Variants in ACOT7 observed in about 807,000 individuals in gnomAD.
ACOT7 encodes cytosolic acyl coenzyme A thioester hydrolase.
A neutral mutation model predicts 40.2 loss-of-function variants in ACOT7; 12 were observed. The observed-to-expected ratio is 0.30, with a 90% CI of 0.19 to 0.48. ACOT7 has a LOEUF of 0.48. ACOT7 is among the 20% of genes least tolerant of loss of function. The probability of loss-of-function intolerance (pLI) is 0.99; values close to 1 mark genes in which losing one functional copy is unlikely to be tolerated. For missense variants in ACOT7, 395 were observed against 530.8 expected (o/e 0.74, Z 2.51); for synonymous variants, 228 against 219.5 (o/e 1.04, Z -0.34).
chr1:6,342,450 A>G lies in ACOT7; in HGVS notation c.262-2861T>C, dbSNP rs545612447. On this transcript the variant is annotated intron_variant, in intron 2 of 8. Transcript: ENST00000361521. The stretch of plus-strand genomic sequence containing the variant: ...GTGACTTCCTTTTCATAGCACTCCA[A>G]TGTAAAATTATTATCATTTATAGAG... Among the ~76,000 whole-genome samples the G allele has an allele frequency of 2.6e-5, 4 of 152,270 alleles. No individual in the cohort carries two copies. The East Asian group carries it at 7.7e-4, about 29-fold the overall frequency.
rs572476590 is a variant in ACOT7, at chr1:6,303,170, G to A, written c.713-8190C>T. ...AAAAGCCTCATCAATTTCCCCCACC[G>A]CAGGCACAACGGGTGCTGCCAACGT... On this transcript the variant is annotated intron_variant, in intron 6 of 8. Coordinates refer to ENST00000361521, the MANE Select transcript of ACOT7 (RefSeq NM_007274.4). Among the ~76,000 whole-genome samples the A allele has an allele frequency of 5.3e-5, 8 of 152,112 alleles. No homozygotes were observed. In the East Asian group the frequency reaches 1.5e-3, roughly 29 times the overall value.
intron 8 of ACOT7, among the ~76,000 whole-genome samples, chr1:6,276,524 C>T (rs3789507): frequency 1.3e-5 from 2 of 152,012 alleles, no homozygotes; most frequent in Non-Finnish European, 2.9e-5. Flanking sequence ...AGGCTGCATC[C>T]GTGTCAGCCA....
intron 3 of ACOT7, among the ~76,000 whole-genome samples, chr1:6,335,264 T>A (rs1641067382): frequency 7.0e-6 from 1 of 142,504 alleles, no homozygotes; most frequent in Non-Finnish European, 1.5e-5. Flanking sequence ...GAGGCAGAGG[T>A]TGCGGTGAGC....
At chr1:6,347,703 A>G (rs1378089733) in intron 2 of ACOT7, among the ~76,000 whole-genome samples, 1 of 151,784 alleles carries the variant, frequency 6.6e-6, no homozygotes, top group Non-Finnish European at 1.5e-5. Context: ...GGAGGCAGAC[A>G]TTGCAGTGAG....
intron 1 of ACOT7, among the ~76,000 whole-genome samples, chr1:6,366,647 C>A (rs559766300): frequency 6.6e-6 from 1 of 150,796 alleles, no homozygotes; most frequent in South Asian, 2.1e-4. Context: ...ATTTTACCCA[C>A]AGTAGAACTT....
At chr1:6,344,041 C>T (rs1641350237) in intron 2 of ACOT7, among the ~76,000 whole-genome samples, 1 of 152,200 alleles carries the variant, frequency 6.6e-6, no homozygotes, top group African/African-American at 2.4e-5. Context: ...GGCATCTGAG[C>T]TGAGGCCTAA....
rs1310166913 is a variant in ACOT7, at chr1:6,352,457, C to A, written c.144-2591G>T. Among the ~76,000 whole-genome samples, 1 of 152,264 alleles carries A rather than the reference C, an allele frequency of 6.6e-6. No individual in the cohort carries two copies. The highest frequency in any genetic ancestry group is 1.5e-5 in the Non-Finnish European group (1 of 68,048). ...AGCTCTGTCACTCTCTCAGGCCCCG[C>A]CCCATGGCCTGGCCAAGGCCAACCG... On this transcript the variant is annotated intron_variant, in intron 1 of 8. Coordinates refer to ENST00000361521, the MANE Select transcript of ACOT7 (RefSeq NM_007274.4). The surrounding 1 kb of genome is among the most constrained non-coding windows in gnomAD (Gnocchi z 4.5).
chr1:6,338,692 G>T lies in ACOT7; in HGVS notation c.418+741C>A, dbSNP rs1047605071. On this transcript the variant is annotated intron_variant, in intron 3 of 8. Transcript: ENST00000361521. The surrounding 1 kb of genome is among the most constrained non-coding windows in gnomAD (Gnocchi z 4.4). Reference sequence around the variant, plus strand: ...ACTCCACGGGGCAGCCACTGCTGAGGAACAGGCATGGGGAAGAGGAGGAAA... The same window carrying T: ...ACTCCACGGGGCAGCCACTGCTGAGTAACAGGCATGGGGAAGAGGAGGAAA... Among the ~76,000 whole-genome samples, 17 of 152,176 alleles carry T rather than the reference G, an allele frequency of 1.1e-4. 1 individual carries two copies. Among genetic ancestry groups the T allele is most frequent in the African/African-American group, 3.6e-4 (15 of 41,442 alleles).
At chr1:6,298,735 CT>C (rs1043124389) in intron 6 of ACOT7, among the ~76,000 whole-genome samples, 12 of 152,202 alleles carry the variant, frequency 7.9e-5, no homozygotes, top group African/African-American at 2.2e-4. Flanking sequence ...CCACCAGGCT[CT>C]CCTGGTCTCT....
chr1:6,339,896 C>T (rs1049740250), intron 2 of ACOT7, among the ~76,000 whole-genome samples: 1 of 138,498 alleles, frequency 7.2e-6, no homozygotes, highest in Non-Finnish European at 1.5e-5. Context: ...CCCGCTGGGA[C>T]TACAGCGGGC....
At position 6,306,106 on chromosome 1, in the gene ACOT7, G is replaced by C; in HGVS notation, c.713-11126C>G. ...CGGCAGGCTGAGGCAGGAGAATCAG[G>C]CAGGGAGGTTGCAGTGAGCCAAGAT... On this transcript the variant is annotated intron_variant, in intron 6 of 8. Transcript: ENST00000361521. This position sits in a 1 kb window ranked among gnomAD's most constrained non-coding sequence, Gnocchi z 4.3. 7.8e-6 allele frequency: 3 copies of C among 384,288 alleles called. No individual in the cohort carries two copies. The highest frequency in any genetic ancestry group is 1.1e-5 in the Non-Finnish European group (3 of 282,152). 23.8% of individuals were successfully genotyped at this position (384,288 alleles called of 1,614,324 possible). A position where few individuals can be genotyped will look rare whatever the true frequency, so the allele number is the denominator to read the frequency against.
At chr1:6,365,591 A>G (rs1450436442) in intron 1 of ACOT7, among the ~76,000 whole-genome samples, 1 of 151,904 alleles carries the variant, frequency 6.6e-6, no homozygotes, top group Admixed American at 6.6e-5. Context: ...AACACGGTGA[A>G]ACCCCATCTC....
rs1639246265 is a variant in ACOT7 at position 6,278,021 on chromosome 1, G to A, written c.1014+3081C>T. On this transcript the variant is annotated intron_variant, in intron 8 of 8. Transcript: ENST00000361521. The surrounding 1 kb of genome is among the most constrained non-coding windows in gnomAD (Gnocchi z 4.1). ...TAAGTTTAGAGCTCTGGCTGACCCG[G>A]GCAGCCAGGCGCCTGCTCCTGGATA... 6.6e-6 allele frequency among the ~76,000 whole-genome samples: 1 copy of A among 152,028 alleles called. No homozygotes were observed. The highest frequency in any genetic ancestry group is 2.1e-4 in the South Asian group (1 of 4,814).
intron 1 of ACOT7, among the ~76,000 whole-genome samples, chr1:6,350,384 A>G (rs890572242): frequency 6.6e-6 from 1 of 152,226 alleles, no homozygotes; most frequent in African/African-American, 2.4e-5. Context: ...GCGCCTGCCC[A>G]CTGCGCGCTA....
chr1:6,391,685 CTT>C (rs989252370), intron 1 of ACOT7, among the ~76,000 whole-genome samples: 3 of 152,132 alleles, frequency 2.0e-5, no homozygotes, highest in Admixed American at 6.5e-5. Flanking sequence ...AGTCAGAAGA[CTT>C]GGGCAGGGGC....
intron 1 of ACOT7, among the ~76,000 whole-genome samples, chr1:6,388,479 C>T (rs1215714428): frequency 6.6e-6 from 1 of 151,318 alleles, no homozygotes; most frequent in Non-Finnish European, 1.5e-5. Context: ...TGGCTCACAC[C>T]TGTAATTCCA....
intron 6 of ACOT7, among the ~76,000 whole-genome samples, chr1:6,318,176 C>G (rs1370537768): frequency 6.6e-6 from 1 of 152,250 alleles, no homozygotes; most frequent in Non-Finnish European, 1.5e-5. Context: ...CCACCTCAGC[C>G]TCCCAGTAGC....
At chr1:6,385,790 A>C (rs1642428461) in intron 1 of ACOT7, 1 of 1,437,792 alleles carries the variant, frequency 7.0e-7, no homozygotes, top group Non-Finnish European at 9.1e-7. Context: ...AGAAAGCACC[A>C]GGCTCCTGCT....
At chr1:6,319,698 T>A (rs1442807250) in intron 5 of ACOT7, among the ~76,000 whole-genome samples, 1 of 152,224 alleles carries the variant, frequency 6.6e-6, no homozygotes, top group Non-Finnish European at 1.5e-5. Context: ...GCCTGCCTCA[T>A]CCCTGGCGCT....
Sources: gnomAD v4.1 joint callset for allele counts (sites outside exome capture counted in the v4.1 genomes callset) on GRCh38, gnomAD v4.1.1 for gene constraint, Gnocchi (gnomAD v3.1) non-coding constraint, MANE v1.5 for transcripts, NCBI Gene and HGNC (gene_info 2026-07-23, HGNC 2026-07-21) for gene names.